The following DDHD1 variants were observed in gnomAD, a reference collection of about 807,000 sequenced individuals.
The protein encoded by DDHD1 is phospholipase DDHD1.
DDHD1 carries 49 observed loss-of-function variants against 96.4 expected under a neutral mutation model. The observed-to-expected ratio is 0.51, with a 90% CI of 0.40 to 0.64. The LOEUF is 0.64. Among genes scored for constraint, DDHD1 ranks in the 30% least tolerant of loss-of-function variants. DDHD1 has a pLI of 0.00. For missense variants in DDHD1, 1,106 were observed against 1,161.2 expected (o/e 0.95, Z 0.69); for synonymous variants, 442 against 446.5 (o/e 0.99, Z 0.13).
intron 1 of DDHD1, among the ~76,000 whole-genome samples, chr14:53,117,304 T>C (rs1474324319): frequency 6.6e-6 from 1 of 152,064 alleles, no homozygotes; most frequent in Admixed American, 6.5e-5. Context: ...GGACAGTGGG[T>C]GCAGCTCACG....
intron 2 of DDHD1, 143 bp downstream of exon 2, chr14:53,103,540 C>A: frequency 1.5e-6 from 1 of 646,236 alleles, no homozygotes; most frequent in African/African-American, 1.9e-5. Context: ...TTTTTAAATT[C>A]TAGAATAATC....
chr14:53,129,728 G>A (rs1889723456), intron 1 of DDHD1, among the ~76,000 whole-genome samples: 1 of 152,064 alleles, frequency 6.6e-6, no homozygotes, highest in African/African-American at 2.4e-5. Flanking sequence ...CTTAGCCTGT[G>A]CAAGAACTTA....
chr14:53,127,956 C>G (rs1264908625), intron 1 of DDHD1, among the ~76,000 whole-genome samples: 3 of 152,202 alleles, frequency 2.0e-5, no homozygotes, highest in African/African-American at 7.2e-5. Context: ...GTAATCTTCA[C>G]GTGTTGGGGG....
intron 3 of DDHD1, 48 bp from the exon 4 acceptor site, chr14:53,091,980 G>T: frequency 6.5e-7 from 1 of 1,529,360 alleles, no homozygotes; most frequent in African/African-American, 1.4e-5. Flanking sequence ...CTGAGAAATA[G>T]CATTTCCACA....
At chr14:53,131,272 C>T (rs764697844) in intron 1 of DDHD1, among the ~76,000 whole-genome samples, 1 of 152,130 alleles carries the variant, frequency 6.6e-6, no homozygotes, top group Non-Finnish European at 1.5e-5. Context: ...TGTATCCCCC[C>T]ACCTTAACCC....
intron 11 of DDHD1, 38 bp downstream of exon 11, chr14:53,054,392 TTAAAAAGA>T: frequency 1.3e-6 from 2 of 1,566,976 alleles, no homozygotes. Context: ...TCCCCAAGTT[TTAAAAAGA>T]TACAGTATCA....
At chr14:53,051,028 T>G (rs568729481) in intron 12 of DDHD1, among the ~76,000 whole-genome samples, 5 of 150,146 alleles carry the variant, frequency 3.3e-5, no homozygotes, top group South Asian at 4.2e-4. Flanking sequence ...CTGAGTTAGA[T>G]CAACGCAAAC....
intron 4 of DDHD1, 134 bp from the exon 5 acceptor site, chr14:53,073,981 GACT>G: frequency 1.4e-6 from 1 of 700,706 alleles, no homozygotes; most frequent in Non-Finnish European, 2.3e-6. Context: ...ACATTCCAGT[GACT>G]ACCACACTAA....
chr14:53,113,922 G>A lies in DDHD1; in HGVS notation c.839-10066C>T, dbSNP rs574981755. 3.3e-5 allele frequency among the ~76,000 whole-genome samples: 5 copies of A among 152,254 alleles called. No individual in the cohort carries two copies. In the East Asian group the frequency reaches 7.7e-4, roughly 24 times the overall value. On this transcript the variant is annotated intron_variant, in intron 1 of 12. Transcript: ENST00000673822. ...TGAAGCCAGGGAGCCAAGTGGTCTC[G>A]CTCAGTGGGTCCCACTCCCATGGAG...
intron 2 of DDHD1, among the ~76,000 whole-genome samples, chr14:53,097,152 A>T (rs1886951011): frequency 6.6e-6 from 1 of 151,992 alleles, no homozygotes; most frequent in African/African-American, 2.4e-5. Flanking sequence ...AATACATTTG[A>T]TTTTCATCCT....
At position 53,045,542 on chromosome 14, in the gene DDHD1, T is replaced by C. The variant is rs1881950022; in HGVS notation, c.*1226A>G. The C allele has an allele frequency of 6.6e-6, 1 of 152,236 alleles. No homozygotes were observed. The highest frequency in any genetic ancestry group is 6.5e-5 in the Admixed American group (1 of 15,276). The allele number at this position is 152,236 out of a possible 1,614,324, so 9.4% of individuals were successfully genotyped here. On this transcript the variant is annotated 3_prime_UTR_variant, in exon 13 of 13. Coordinates refer to ENST00000673822, the MANE Select transcript of DDHD1 (RefSeq NM_001160148.2). ...ACTAGCTCAATCCAAGCTTTTCTGA[T>C]TTCTGATGTAATCTAATTCATGGCA...
At chr14:53,122,857 G>A (rs1019460130) in intron 1 of DDHD1, among the ~76,000 whole-genome samples, 29 of 151,688 alleles carry the variant, frequency 1.9e-4, no homozygotes, top group East Asian at 3.9e-4. Flanking sequence ...GTGAGCCACC[G>A]TGCCTGGCCA....
At chr14:53,079,829 G>A (rs1244311387) in intron 4 of DDHD1, among the ~76,000 whole-genome samples, 2 of 152,132 alleles carry the variant, frequency 1.3e-5, no homozygotes, top group African/African-American at 2.4e-5. Context: ...ACGTGATGCT[G>A]CAATCAAAAG....
chr14:53,151,558 C>T (rs1891369728), intron 1 of DDHD1, among the ~76,000 whole-genome samples: 1 of 152,204 alleles, frequency 6.6e-6, no homozygotes, highest in African/African-American at 2.4e-5. Context: ...TCACAACAAT[C>T]CCGTGAGGTA....
chr14:53,092,180 T>C, intron 3 of DDHD1: 1 of 288,302 alleles, frequency 3.5e-6, no homozygotes, highest in East Asian at 5.8e-5. Context: ...ACTGAATATA[T>C]AAAAATTTAA....
At chr14:53,068,801 A>T (rs1436993460) in intron 6 of DDHD1, among the ~76,000 whole-genome samples, 59 of 152,256 alleles carry the variant, frequency 3.9e-4, no homozygotes, top group Admixed American at 2.9e-3. Flanking sequence ...GTGGGGATAT[A>T]CTTTAAGACC....
chr14:53,066,343 G>A (rs1419834610), intron 6 of DDHD1, among the ~76,000 whole-genome samples: 1 of 151,998 alleles, frequency 6.6e-6, no homozygotes, highest in African/African-American at 2.4e-5. Flanking sequence ...GTAGAGACGG[G>A]GTTTCACCAT....
At chr14:53,140,167 A>C (rs8018948) in intron 1 of DDHD1, among the ~76,000 whole-genome samples, 11,704 of 152,240 alleles carry the variant, frequency 0.077, 1,178 homozygotes, top group African/African-American at 0.23. Context: ...GGGAAAAATT[A>C]AACAGAATAG....
chr14:53,058,646 T>G lies in DDHD1; in HGVS notation c.1843-20A>C. 6.4e-7 allele frequency: 1 copy of G among 1,574,652 alleles called. No individual in the cohort carries two copies. Among genetic ancestry groups the G allele is most frequent in the South Asian group, 1.2e-5 (1 of 83,826 alleles). ...CTCAACCTAAAATGATAAAGTCATC[T>G]TAAAGTTTAAAAATGGTGAAGTGTT... On this transcript the variant is annotated intron_variant, in intron 8 of 12. Transcript: ENST00000673822.
Sources: allele counts gnomAD v4.1 joint callset (sites outside exome capture counted in the v4.1 genomes callset), GRCh38; gene constraint gnomAD v4.1.1; transcripts MANE v1.5; gene names NCBI Gene and HGNC (gene_info 2026-07-23, HGNC 2026-07-21).